Variants in CHLSN observed in about 807,000 individuals in gnomAD.
The protein encoded by CHLSN is cholesin, also known as protein cholesin.
the CHLSN span, among the ~76,000 whole-genome samples, chr7:1,066,175 T>C: frequency 1.2e-4 from 18 of 152,334 alleles, no homozygotes; most frequent in African/African-American, 4.3e-4. Flanking sequence ...TCCATGGCGC[T>C]GCGGGGTCCC....
the CHLSN span, among the ~76,000 whole-genome samples, chr7:1,054,626 G>T: frequency 1.3e-5 from 2 of 152,208 alleles, no homozygotes; most frequent in African/African-American, 4.8e-5. Flanking sequence ...TGGCCTCACG[G>T]CGGGGCAGGC....
At chr7:987,454 C>T in the CHLSN span, 26 of 1,575,346 alleles carry the variant, frequency 1.7e-5, no homozygotes, top group East Asian at 2.3e-5. Flanking sequence ...CGAGGTGCAG[C>T]GGTTCATCAC....
chr7:1,082,523 A>G, the CHLSN span, among the ~76,000 whole-genome samples: 3 of 152,194 alleles, frequency 2.0e-5, no homozygotes, highest in East Asian at 3.8e-4. Context: ...AGTGGCTGGG[A>G]CGGGCTCACA....
the CHLSN span, chr7:1,028,728 G>GC: frequency 4.3e-6 from 3 of 704,320 alleles, no homozygotes; most frequent in Non-Finnish European, 5.0e-6. Context: ...CCCCCAATCT[G>GC]CCCCCATAGA....
At chr7:987,291 G>A in the CHLSN span, 2 of 1,509,968 alleles carry the variant, frequency 1.3e-6, no homozygotes, top group South Asian at 1.2e-5. Flanking sequence ...GCCCCCGGGG[G>A]ACCCCCAGGG....
At chr7:997,659 TGGGCCCTCCCCGGCAGGGGGGGATCA>T in the CHLSN span, 1 of 1,609,674 alleles carries the variant, frequency 6.2e-7, no homozygotes, top group African/African-American at 1.3e-5. Flanking sequence ...TCGGATGCGC[TGGGCCCTCCCCGGCAGGGGGGGATCA>T]GAGCCCTCCT....
At chr7:1,138,165 C>CCCG in the CHLSN span, 1 of 151,980 alleles carries the variant, frequency 6.6e-6, no homozygotes, top group Non-Finnish European at 1.5e-5. Flanking sequence ...CGCCGGCCAC[C>CCCG]CCGCCGCCGC....
chr7:984,070 T>C, the CHLSN span, among the ~76,000 whole-genome samples: 43 of 152,324 alleles, frequency 2.8e-4, no homozygotes, highest in African/African-American at 1.0e-3. Context: ...CCTCACTCTG[T>C]GCAGACTCTG....
the CHLSN span, among the ~76,000 whole-genome samples, chr7:1,065,905 G>A: frequency 6.6e-6 from 1 of 152,214 alleles, no homozygotes; most frequent in Admixed American, 6.5e-5. Flanking sequence ...CGCGGTTTCC[G>A]GCCTCAAGGG....
At chr7:1,047,227 C>A in the CHLSN span, among the ~76,000 whole-genome samples, 5 of 152,350 alleles carry the variant, frequency 3.3e-5, no homozygotes, top group African/African-American at 1.2e-4. Flanking sequence ...ACTGGCCCAG[C>A]AAGGTGCTTG....
At chr7:1,110,733 G>A in the CHLSN span, among the ~76,000 whole-genome samples, 1 of 152,040 alleles carries the variant, frequency 6.6e-6, no homozygotes, top group Non-Finnish European at 1.5e-5. Context: ...TTTGAAACAT[G>A]AAGGATAGAT....
chr7:979,244 G>A, the CHLSN span, among the ~76,000 whole-genome samples: 1 of 152,138 alleles, frequency 6.6e-6, no homozygotes, highest in Non-Finnish European at 1.5e-5. Context: ...GTTTCAGTTC[G>A]ACTGCTCCAA....
the CHLSN span, among the ~76,000 whole-genome samples, chr7:1,020,874 C>T: frequency 0.12 from 18,134 of 152,252 alleles, 1,235 homozygotes; most frequent in Middle Eastern, 0.21. Context: ...GCAATCAGGC[C>T]GTTTGTAACG....
chr7:1,004,037 G>A, the CHLSN span, among the ~76,000 whole-genome samples: 8 of 151,892 alleles, frequency 5.3e-5, no homozygotes, highest in Admixed American at 2.6e-4. Context: ...GGAGTCCTGC[G>A]GGTGTGGAGC....
At chr7:1,119,078 C>T in the CHLSN span, among the ~76,000 whole-genome samples, 668 of 151,410 alleles carry the variant, frequency 4.4e-3, 3 homozygotes, top group Middle Eastern at 0.042. Context: ...CATGGTGAAA[C>T]CCCGTCTCTA....
chr7:987,078 C>T, the CHLSN span: 1 of 1,484,142 alleles, frequency 6.7e-7, no homozygotes. Flanking sequence ...CCCAGATCAT[C>T]CCACGAGCCC....
the CHLSN span, chr7:1,028,349 G>C: frequency 9.9e-7 from 1 of 1,012,980 alleles, no homozygotes; most frequent in Non-Finnish European, 1.2e-6. Context: ...GCCTCCAGCA[G>C]CCTCAGCGCC....
At chr7:1,042,569 C>G in the CHLSN span, among the ~76,000 whole-genome samples, 8 of 152,356 alleles carry the variant, frequency 5.3e-5, no homozygotes, top group South Asian at 2.1e-4. Context: ...AGGACACACA[C>G]GAGCTTTCTG....
the CHLSN span, chr7:988,310 C>T: frequency 8.1e-6 from 13 of 1,607,072 alleles, no homozygotes; most frequent in Admixed American, 2.0e-4. Flanking sequence ...GACCTCGGTG[C>T]TCCTGGATGA....
Sources: gnomAD v4.1 joint callset for allele counts (sites outside exome capture counted in the v4.1 genomes callset) on GRCh38, gnomAD v4.1.1 for gene constraint, MANE v1.5 for transcripts, NCBI Gene and HGNC (gene_info 2026-07-23, HGNC 2026-07-21) for gene names.